RNF115: variants seen among roughly 807,000 people sequenced by gnomAD.
The protein encoded by RNF115 is E3 ubiquitin-protein ligase RNF115.
RNF115 carries 31 observed loss-of-function variants against 39.2 expected under a neutral mutation model. The observed-to-expected ratio is 0.79, with a 90% confidence interval of 0.59 to 1.07. The LOEUF is 1.07. RNF115 is among the 50% of genes least tolerant of loss of function. The probability of loss-of-function intolerance (pLI) is 0.00; values close to 1 mark genes in which losing one functional copy is unlikely to be tolerated. For missense variants in RNF115, 384 were observed against 381.7 expected, an observed-to-expected ratio of 1.01 and a Z score of -0.05; for synonymous variants, 124 against 131.0, an observed-to-expected ratio of 0.95 and a Z score of 0.37.
chr1:145,770,368 G>A (rs1553715573), intron 4 of RNF115, among the ~76,000 whole-genome samples: 1 of 152,092 alleles, frequency 6.6e-6, no homozygotes, highest in Non-Finnish European at 1.5e-5. Context: ...GGGGAAAGGG[G>A]GAGTGTAGGC....
At chr1:145,762,846 C>G (rs1553714041) in intron 4 of RNF115, among the ~76,000 whole-genome samples, 1 of 152,138 alleles carries the variant, frequency 6.6e-6, no homozygotes. Flanking sequence ...AGAACGAAAT[C>G]ATGTCCTTTG....
chr1:145,747,170 A>T (rs1289750361), intron 8 of RNF115, among the ~76,000 whole-genome samples, 173 bp from the exon 9 acceptor site: 1 of 152,164 alleles, frequency 6.6e-6, no homozygotes, highest in Non-Finnish European at 1.5e-5. Flanking sequence ...TGATACCAGG[A>T]TATCTCCCAA....
At chr1:145,780,801 T>C (rs1238112081) in intron 3 of RNF115, among the ~76,000 whole-genome samples, 4 of 152,192 alleles carry the variant, frequency 2.6e-5, no homozygotes, top group East Asian at 1.9e-4. Flanking sequence ...CAGAAAGCCA[T>C]GTATCTTATT....
At chr1:145,768,139 C>A (rs1376882181) in intron 4 of RNF115, among the ~76,000 whole-genome samples, 1 of 152,242 alleles carries the variant, frequency 6.6e-6, no homozygotes, top group Non-Finnish European at 1.5e-5. Context: ...ACCTCTTTCA[C>A]GGCAAAGCCT....
At chr1:145,800,021 A>G (rs1649158519) in intron 1 of RNF115, among the ~76,000 whole-genome samples, 2 of 152,160 alleles carry the variant, frequency 1.3e-5, no homozygotes, top group South Asian at 4.1e-4. Flanking sequence ...ATGATGATGC[A>G]GTTTTTGTCC....
intron 3 of RNF115, among the ~76,000 whole-genome samples, chr1:145,783,098 G>A (rs1446379610): frequency 6.6e-6 from 1 of 152,160 alleles, no homozygotes; most frequent in Non-Finnish European, 1.5e-5. Context: ...CCAGACCTCA[G>A]GTGATCTGCT....
At chr1:145,820,758 T>C (rs1650201474) in intron 1 of RNF115, among the ~76,000 whole-genome samples, 1 of 151,510 alleles carries the variant, frequency 6.6e-6, no homozygotes, top group East Asian at 1.9e-4. Flanking sequence ...GGGAATATAC[T>C]GTATATTTGA....
At chr1:145,789,946 C>T (rs1648585654) in intron 1 of RNF115, among the ~76,000 whole-genome samples, 1 of 151,866 alleles carries the variant, frequency 6.6e-6, no homozygotes, top group African/African-American at 2.4e-5. Context: ...GATCCACCCG[C>T]CTCGGCCTCC....
intron 1 of RNF115, among the ~76,000 whole-genome samples, chr1:145,798,446 T>C (rs1166237788): frequency 1.3e-5 from 2 of 152,138 alleles, no homozygotes; most frequent in African/African-American, 4.8e-5. Flanking sequence ...CACAGAGGGG[T>C]CCTAGCACCT....
intron 6 of RNF115, 57 bp from the exon 7 acceptor site, chr1:145,750,557 A>T: frequency 1.5e-6 from 2 of 1,311,200 alleles, no homozygotes; most frequent in Non-Finnish European, 2.2e-6. Context: ...ATCCCTGGAG[A>T]GGGAACTGCT....
chr1:145,805,311 C>T (rs1163062267), intron 1 of RNF115, among the ~76,000 whole-genome samples: 1 of 151,930 alleles, frequency 6.6e-6, no homozygotes, highest in African/African-American at 2.4e-5. Context: ...ATTAAGAAAA[C>T]AATTAATTAA....
rs975714254 is a variant in RNF115 at position 145,740,402 on chromosome 1, T to C, written c.*6464A>G. The stretch of plus-strand genomic sequence containing the variant: ...ATACAAAGCAATCCCACTTTGTACA[T>C]ACCAACTGAGTCTTGCTTCTAAAGA... On this transcript the variant is annotated 3_prime_UTR_variant, in exon 9 of 9. Transcript: ENST00000582693. The C allele has an allele frequency of 6.6e-6, 1 of 152,242 alleles. No homozygotes were observed. The highest frequency in any genetic ancestry group is 1.9e-4 in the East Asian group (1 of 5,210). The allele number at this position is 152,242 out of a possible 1,614,324, so 9.4% of individuals were successfully genotyped here.
chr1:145,813,053 C>A, intron 1 of RNF115, among the ~76,000 whole-genome samples: 1 of 149,118 alleles, frequency 6.7e-6, no homozygotes, highest in Non-Finnish European at 1.5e-5. Flanking sequence ...ATAACAACAA[C>A]CTAAAATGCT....
intron 4 of RNF115, among the ~76,000 whole-genome samples, chr1:145,758,038 C>T (rs1328390494): frequency 6.6e-6 from 1 of 152,110 alleles, no homozygotes. Context: ...GGCTAGAGGG[C>T]AAACTGTGGT....
At chr1:145,750,155 A>G (rs1269759334) in intron 7 of RNF115, among the ~76,000 whole-genome samples, 4 of 152,188 alleles carry the variant, frequency 2.6e-5, no homozygotes, top group African/African-American at 9.7e-5. Context: ...AAAGAGACAT[A>G]ATTGCTCAGG....
intron 4 of RNF115, among the ~76,000 whole-genome samples, chr1:145,766,539 C>A (rs1355587615): frequency 6.6e-6 from 1 of 151,308 alleles, no homozygotes; most frequent in Non-Finnish European, 1.5e-5. Context: ...GGTGGCCGGG[C>A]AGAGGGGCTC....
intron 1 of RNF115, among the ~76,000 whole-genome samples, chr1:145,821,413 G>A (rs1455055796): frequency 1.7e-5 from 2 of 117,684 alleles, no homozygotes; most frequent in Non-Finnish European, 3.9e-5. Flanking sequence ...AAGGTGAGAA[G>A]AAAAGATATA....
At position 145,771,768 on chromosome 1, in the gene RNF115, C is replaced by A. The variant is rs782436435; in HGVS notation, c.371G>T (p.Gly124Val). Reference sequence around the variant, plus strand: ...ACTTCCTCGAGATCTGTATCTCCGACCCAATGGCAACCGTGGAGGTCTTGC... The same window carrying A: ...ACTTCCTCGAGATCTGTATCTCCGAACCAATGGCAACCGTGGAGGTCTTGC... ...WGARPPRLPL[G>V]RRYRSRGSSR... is the part of the protein sequence containing the mutation. Residue 124 changes from glycine to valine, a missense_variant, in exon 4 of 9, where the codon GGT becomes GTT. Coordinates refer to ENST00000582693, the MANE Select transcript of RNF115 (RefSeq NM_014455.4). 1.9e-6 allele frequency: 3 copies of A among 1,614,060 alleles called. No individual in the cohort carries two copies. Among genetic ancestry groups the A allele is most frequent in the African/African-American group, 2.7e-5 (2 of 74,928 alleles).
At chr1:145,823,095 GA>G (rs1650355547) in intron 1 of RNF115, among the ~76,000 whole-genome samples, 1 of 87,466 alleles carries the variant, frequency 1.1e-5, no homozygotes, top group African/African-American at 3.4e-5. Flanking sequence ...CAAAATAAAC[GA>G]AGTTGAAACA....
Sources: gnomAD v4.1 joint callset for allele counts (sites outside exome capture counted in the v4.1 genomes callset) on GRCh38, gnomAD v4.1.1 for gene constraint, MANE v1.5 for transcripts, NCBI Gene and HGNC (gene_info 2026-07-23, HGNC 2026-07-21) for gene names.